ALDH6A1: variants seen among roughly 807,000 people sequenced by gnomAD.
ALDH6A1 encodes aldehyde dehydrogenase 6 family member A1.
Under a neutral mutation model 62.6 loss-of-function variants are expected in ALDH6A1, and 43 were observed. The observed-to-expected ratio is 0.69, with a 90% confidence interval of 0.54 to 0.89. The LOEUF is 0.89. Ranked by LOEUF, ALDH6A1 falls within the 40% of genes least tolerant of loss-of-function variation. ALDH6A1 has a pLI of 0.00. For missense variants in ALDH6A1, 551 were observed against 661.3 expected (o/e 0.83, Z 1.83); for synonymous variants, 194 against 234.2 (o/e 0.83, Z 1.57).
At position 74,083,885 on chromosome 14, in the gene ALDH6A1, G is replaced by A. The variant is rs141626299; in HGVS notation, c.48+462C>T. ...CGCGTCCCCCCTCCCCCTTACCTCA[G>A]ATCACCACGGATAGTGAAGTAGGGT... On this transcript the variant is annotated intron_variant, in intron 1 of 11. Transcript: ENST00000553458. 6.9e-3 allele frequency among the ~76,000 whole-genome samples: 1,050 copies of A among 152,250 alleles called. 15 individuals carry two copies. Among genetic ancestry groups the A allele is most frequent in the African/African-American group, 0.024 (1,011 of 41,548 alleles).
chr14:74,067,324 A>T, intron 8 of ALDH6A1, 56 bp downstream of exon 8: 1 of 1,601,420 alleles, frequency 6.2e-7, no homozygotes, highest in African/African-American at 1.3e-5. Context: ...GACAGAACCC[A>T]AGAGCTTAAT....
At position 74,057,136 on chromosome 14, in the gene ALDH6A1, T is replaced by C; in HGVS notation, c.*3506A>G. The C allele has an allele frequency of 6.2e-7, 1 of 1,609,438 alleles. No homozygotes were observed. The highest frequency in any genetic ancestry group is 1.1e-5 in the South Asian group (1 of 90,790). On this transcript the variant is annotated 3_prime_UTR_variant, in exon 12 of 12. Coordinates refer to ENST00000553458, the MANE Select transcript of ALDH6A1 (RefSeq NM_005589.4). The stretch of plus-strand genomic sequence containing the variant: ...GTTGACGGTTCTGTTATTTTGTCAT[T>C]ATTGCAGGGATGAAAGTAAGCTTCA...
intron 1 of ALDH6A1, chr14:74,078,496 G>A (rs2060637149): frequency 4.2e-6 from 1 of 238,136 alleles, no homozygotes; most frequent in Non-Finnish European, 8.4e-6. Context: ...TGAGACCACA[G>A]GCACATACCA....
At position 74,060,157 on chromosome 14, in the gene ALDH6A1, C is replaced by A; in HGVS notation, c.*485G>T. ...CATCTTCTTTAAAAAATTTTTTTTC[C>A]CTTTTCTTTTTTTACTTTTTCAATT... On this transcript the variant is annotated 3_prime_UTR_variant, in exon 12 of 12. Coordinates refer to ENST00000553458, the MANE Select transcript of ALDH6A1 (RefSeq NM_005589.4). 6.4e-6 allele frequency: 1 copy of A among 156,010 alleles called. No individual in the cohort carries two copies. The highest frequency in any genetic ancestry group is 6.2e-5 in the Admixed American group (1 of 16,130). 9.7% of individuals were successfully genotyped at this position (156,010 alleles called of 1,614,324 possible).
Position 74,060,570 on chromosome 14 carries a change from G to T in ALDH6A1, c.*72C>A. 1 of 1,109,456 alleles carries T rather than the reference G, an allele frequency of 9.0e-7. No individual in the cohort carries two copies. 68.7% of individuals were successfully genotyped at this position (1,109,456 alleles called of 1,614,324 possible). On this transcript the variant is annotated 3_prime_UTR_variant, in exon 12 of 12. Transcript: ENST00000553458. ...ATCCCATCGATCTGATCTGAGCAAA[G>T]CTGACAAATGAAGCTGGTCAAAAAT...
At chr14:74,083,679 CTG>C (rs751208955) in intron 1 of ALDH6A1, among the ~76,000 whole-genome samples, 9 of 152,206 alleles carry the variant, frequency 5.9e-5, no homozygotes, top group Non-Finnish European at 8.8e-5. Flanking sequence ...TCTATGTAAA[CTG>C]TAACTTAGCT....
chr14:74,064,681 T>C (rs956097069), intron 11 of ALDH6A1, 141 bp downstream of exon 11: 5 of 1,614,104 alleles, frequency 3.1e-6, no homozygotes, highest in Non-Finnish European at 4.2e-6. Context: ...TTTTAAATCT[T>C]TTTTAGGGAA....
chr14:74,083,647 C>G (rs2060692216), intron 1 of ALDH6A1, among the ~76,000 whole-genome samples: 1 of 152,204 alleles, frequency 6.6e-6, no homozygotes, highest in African/African-American at 2.4e-5. Flanking sequence ...CTTATCTACC[C>G]TATCTATGTA....
chr14:74,065,400 T>C (rs1226647814), intron 9 of ALDH6A1, 40 bp from the exon 10 acceptor site: 1 of 1,595,434 alleles, frequency 6.3e-7, no homozygotes, highest in Non-Finnish European at 8.6e-7. Flanking sequence ...GTCAGCTTTT[T>C]GGATTCTGAG....
intron 2 of ALDH6A1, among the ~76,000 whole-genome samples, chr14:74,074,682 G>A (rs539814879): frequency 6.6e-6 from 1 of 152,306 alleles, no homozygotes; most frequent in African/African-American, 2.4e-5. Flanking sequence ...GATGCTGGAA[G>A]TGGTTGACAG....
chr14:74,056,942 CTA>C lies in ALDH6A1; in HGVS notation c.*3698_*3699del, dbSNP rs766673597. 1.2e-6 allele frequency: 2 copies of C among 1,613,880 alleles called. No individual in the cohort carries two copies. The highest frequency in any genetic ancestry group is 1.7e-6 in the Non-Finnish European group (2 of 1,179,878). On this transcript the variant is annotated 3_prime_UTR_variant, in exon 12 of 12. Transcript: ENST00000553458. ...AGAGTTCTAGGCCTCCAGTTCCAGA[CTA>C]TGTTGTTTCTGACAGTGGGGAAACA...
At chr14:74,075,114 G>A in intron 1 of ALDH6A1, 97 bp from the exon 2 acceptor site, 1 of 1,104,052 alleles carries the variant, frequency 9.1e-7, no homozygotes, top group South Asian at 1.3e-5. Context: ...ATAGTATATA[G>A]GGGGTATGTT....
At chr14:74,074,415 T>C (rs1194729356) in intron 2 of ALDH6A1, among the ~76,000 whole-genome samples, 4 of 151,104 alleles carry the variant, frequency 2.6e-5, no homozygotes, top group Non-Finnish European at 5.9e-5. Context: ...GCCCGCAGAG[T>C]AGCTGGGACT....
Position 74,066,754 on chromosome 14 carries a change from C to G in ALDH6A1, c.1175G>C (p.Gly392Ala). Residue 392 changes from glycine to alanine, a missense_variant, in exon 9 of 12, where the codon GGC becomes GCC. By Grantham distance (60) the Gly-to-Ala change is moderately conservative (BLOSUM62 0). Transcript: ENST00000553458. ...LLDGRKIKVK[G>A]YENGNFVGPT... is the part of the protein sequence containing the mutation. The stretch of plus-strand genomic sequence containing the variant: ...TCCAACAAAGTTGCCATTTTCATAG[C>G]CTTTCACTTTAATTTTTCGTCCATC... The G allele has an allele frequency of 1.2e-6, 2 of 1,614,014 alleles. No homozygotes were observed. Among genetic ancestry groups the G allele is most frequent in the South Asian group, 2.2e-5 (2 of 91,070 alleles).
Position 74,057,910 on chromosome 14 carries a change from A to G in ALDH6A1, c.*2732T>C, listed in dbSNP as rs892660723. On this transcript the variant is annotated 3_prime_UTR_variant, in exon 12 of 12. Coordinates refer to ENST00000553458, the MANE Select transcript of ALDH6A1 (RefSeq NM_005589.4). ...GTTCTGATTAGTGTGTTTTTTTAGA[A>G]GTGATTTCCCTTAAATATAAGGAAA... 160 of 995,604 alleles carry G rather than the reference A, an allele frequency of 1.6e-4. No individual in the cohort carries two copies. Among genetic ancestry groups the G allele is most frequent in the Non-Finnish European group, 1.8e-4 (150 of 836,298 alleles). 61.7% of individuals were successfully genotyped at this position (995,604 alleles called of 1,614,324 possible).
chr14:74,071,940 C>T lies in ALDH6A1; in HGVS notation c.383G>A (p.Gly128Glu), dbSNP rs937769916. The change falls in exon 5 of 12, where the codon GGG becomes GAG. Residue 128 changes from glycine to glutamate, a missense_variant. Transcript: ENST00000553458. Reference protein sequence around the residue: ...EIAKLITLEQGKTLADAEGDV... With the variant: ...EIAKLITLEQEKTLADAEGDV... ...TCCTTCAGCATCAGCTAGGGTCTTC[C>T]CTTGTTCCAATGTGATTAACTTGGC... is the stretch of plus-strand genomic sequence containing the variant. 1 of 1,614,084 alleles carries T rather than the reference C, an allele frequency of 6.2e-7. No homozygotes were observed. The highest frequency in any genetic ancestry group is 8.5e-7 in the Non-Finnish European group (1 of 1,180,034).
At position 74,060,679 on chromosome 14, in the gene ALDH6A1, G is replaced by A; in HGVS notation, c.1571C>T (p.Ser524Phe). 6.2e-7 allele frequency: 1 copy of A among 1,613,882 alleles called. No homozygotes were observed. Among genetic ancestry groups the A allele is most frequent in the East Asian group, 2.2e-5 (1 of 44,876 alleles). Residue 524 changes from serine to phenylalanine, a missense_variant, in exon 12 of 12, where the codon TCC becomes TTC. Physicochemically the swap from Ser to Phe is radical, Grantham distance 155. Coordinates refer to ENST00000553458, the MANE Select transcript of ALDH6A1 (RefSeq NM_005589.4). Reference sequence around the variant, plus strand: ...GGTAGGCATGACAACAGCAGGTGAGGAAAGAGTAGCATCTTCTTCTTTCCA... The same window carrying A: ...GGTAGGCATGACAACAGCAGGTGAGAAAAGAGTAGCATCTTCTTCTTTCCA... The part of the protein sequence containing the change: ...SQWKEEDATL[S>F]SPAVVMPTMG...
intron 2 of ALDH6A1, among the ~76,000 whole-genome samples, chr14:74,073,687 C>G (rs1186082630): frequency 6.6e-6 from 1 of 151,938 alleles, no homozygotes; most frequent in Non-Finnish European, 1.5e-5. Flanking sequence ...GAGGCCGAGG[C>G]AGGTGGATCA....
rs2060255229 is a variant in ALDH6A1, at chr14:74,057,924, A to G, written c.*2718T>C. The G allele has an allele frequency of 1.0e-6, 1 of 987,612 alleles. No homozygotes were observed. The highest frequency in any genetic ancestry group is 1.8e-5 in the African/African-American group (1 of 57,072). 61.2% of individuals were successfully genotyped at this position (987,612 alleles called of 1,614,324 possible). On this transcript the variant is annotated 3_prime_UTR_variant, in exon 12 of 12. Transcript: ENST00000553458. ...GTTTTTTTAGAAGTGATTTCCCTTA[A>G]ATATAAGGAAAATGTTAGGAATCTC... is the stretch of plus-strand genomic sequence containing the variant.
Sources: gnomAD v4.1 joint callset for allele counts (sites outside exome capture counted in the v4.1 genomes callset) on GRCh38, gnomAD v4.1.1 for gene constraint, MANE v1.5 for transcripts, NCBI Gene and HGNC (gene_info 2026-07-23, HGNC 2026-07-21) for gene names.